ARHGAP26: variants seen among roughly 807,000 people sequenced by gnomAD.
The protein encoded by ARHGAP26 is rho GTPase-activating protein 26.
In ARHGAP26, 38 loss-of-function variants were observed where a neutral mutation model predicts 104.8. The ratio of observed to expected loss-of-function variants is 0.36; its 90% CI spans 0.28 to 0.48. ARHGAP26 has a LOEUF of 0.48. ARHGAP26 is among the 20% of genes least tolerant of loss of function. The pLI is 0.99. For missense variants in ARHGAP26, 704 were observed against 947.9 expected, an observed-to-expected ratio of 0.74 and a Z score of 3.38; for synonymous variants, 341 against 340.0, an observed-to-expected ratio of 1.00 and a Z score of -0.03.
At chr5:143,102,473 C>T (rs145770989) in intron 17 of ARHGAP26, among the ~76,000 whole-genome samples, 94 of 152,342 alleles carry the variant, frequency 6.2e-4, no homozygotes, top group African/African-American at 2.2e-3. Flanking sequence ...TTTTCCTCCC[C>T]TAACTCAGAA....
chr5:142,966,127 G>C (rs568244348), intron 11 of ARHGAP26, among the ~76,000 whole-genome samples: 4 of 152,196 alleles, frequency 2.6e-5, no homozygotes, highest in Admixed American at 1.3e-4. Flanking sequence ...GTCAAATATT[G>C]ACACACACAC....
chr5:143,063,421 T>C (rs1787028800), intron 17 of ARHGAP26, among the ~76,000 whole-genome samples: 1 of 152,166 alleles, frequency 6.6e-6, no homozygotes, highest in African/African-American at 2.4e-5. Flanking sequence ...AATCTCAGCA[T>C]GTGATTCCCC....
chr5:142,895,834 CA>C (rs1207032838), intron 6 of ARHGAP26, among the ~76,000 whole-genome samples: 1 of 151,908 alleles, frequency 6.6e-6, no homozygotes. Flanking sequence ...CTCTTAAAAA[CA>C]AAAAAAGATT....
chr5:143,090,408 A>G (rs1197974097), intron 17 of ARHGAP26, among the ~76,000 whole-genome samples: 2 of 152,230 alleles, frequency 1.3e-5, no homozygotes, highest in Non-Finnish European at 2.9e-5. Context: ...TCCTGTCTTA[A>G]TTGCCAAAGT....
intron 10 of ARHGAP26, chr5:142,921,574 G>A (rs1467002382): frequency 2.4e-5 from 4 of 167,102 alleles, no homozygotes; most frequent in African/African-American, 4.8e-5. Flanking sequence ...AGTCAGAATA[G>A]TGGAGGCCAG....
chr5:142,849,144 A>G (rs937796336), intron 1 of ARHGAP26, among the ~76,000 whole-genome samples: 1 of 152,318 alleles, frequency 6.6e-6, no homozygotes, highest in Admixed American at 6.5e-5. Context: ...GCATAAAGGG[A>G]TGGGAGTCAA....
chr5:142,992,629 A>C (rs902711514), intron 11 of ARHGAP26, among the ~76,000 whole-genome samples: 1 of 151,706 alleles, frequency 6.6e-6, no homozygotes, highest in Non-Finnish European at 1.5e-5. Flanking sequence ...GGGTTTCACC[A>C]TGTTAGCCAG....
chr5:142,991,690 G>T (rs979731088), intron 11 of ARHGAP26, among the ~76,000 whole-genome samples: 7 of 152,168 alleles, frequency 4.6e-5, no homozygotes, highest in Non-Finnish European at 7.3e-5. Flanking sequence ...GTTGCCTACA[G>T]TATTCAGTAT....
At chr5:142,839,624 G>A (rs1408237763) in intron 1 of ARHGAP26, among the ~76,000 whole-genome samples, 2 of 152,090 alleles carry the variant, frequency 1.3e-5, no homozygotes, top group African/African-American at 4.8e-5. Context: ...CCTCATATAG[G>A]TAAAATAATC....
chr5:142,985,974 T>C (rs190777297), intron 11 of ARHGAP26, among the ~76,000 whole-genome samples: 2,150 of 152,248 alleles, frequency 0.014, 55 homozygotes, highest in African/African-American at 0.045. Flanking sequence ...CATACGTGTG[T>C]ATGTGTTTTT....
chr5:142,854,727 G>T (rs1016073383), intron 1 of ARHGAP26, among the ~76,000 whole-genome samples: 1 of 152,206 alleles, frequency 6.6e-6, no homozygotes, highest in Admixed American at 6.5e-5. Flanking sequence ...GTAGACCCTG[G>T]AAATGCAGGG....
intron 21 of ARHGAP26, among the ~76,000 whole-genome samples, chr5:143,210,087 A>T (rs1353376288): frequency 6.6e-6 from 1 of 152,160 alleles, no homozygotes; most frequent in Non-Finnish European, 1.5e-5. Flanking sequence ...TCCTCTGGAA[A>T]TTGCTTACTG....
chr5:142,889,635 G>C (rs389008), intron 5 of ARHGAP26, among the ~76,000 whole-genome samples: 59,867 of 151,820 alleles, frequency 0.39, 14,313 homozygotes, highest in East Asian at 0.86. Context: ...GAATAGATAA[G>C]AGTTTAAATT....
intron 17 of ARHGAP26, among the ~76,000 whole-genome samples, chr5:143,110,671 T>C (rs1794672471): frequency 6.6e-6 from 1 of 152,258 alleles, no homozygotes; most frequent in African/African-American, 2.4e-5. Flanking sequence ...AAGCATTTTA[T>C]AAACTATAAA....
chr5:142,985,249 T>G (rs113401251), intron 11 of ARHGAP26, among the ~76,000 whole-genome samples: 9,134 of 152,234 alleles, frequency 0.06, 613 homozygotes, highest in African/African-American at 0.16. Flanking sequence ...CTAAATGTTA[T>G]TACAAGAATC....
chr5:143,055,491 T>C (rs139503908), intron 15 of ARHGAP26, among the ~76,000 whole-genome samples: 175 of 152,336 alleles, frequency 1.1e-3, no homozygotes, highest in African/African-American at 3.9e-3. Flanking sequence ...CCCTCAAGTT[T>C]ATGGTTAAAC....
intron 11 of ARHGAP26, among the ~76,000 whole-genome samples, chr5:142,980,794 G>A (rs1332402626): frequency 6.6e-6 from 1 of 152,170 alleles, no homozygotes; most frequent in Non-Finnish European, 1.5e-5. Flanking sequence ...CTTTACCTTA[G>A]TAAATATTGC....
intron 20 of ARHGAP26, among the ~76,000 whole-genome samples, chr5:143,194,787 T>C (rs1473380282): frequency 6.6e-6 from 1 of 152,182 alleles, no homozygotes; most frequent in East Asian, 1.9e-4. Context: ...TTTTTTCCAG[T>C]CAAGTCAATA....
chr5:142,859,643 C>T (rs532120091), intron 1 of ARHGAP26: 1 of 152,278 alleles, frequency 6.6e-6, no homozygotes, highest in East Asian at 1.9e-4. Flanking sequence ...CTTCCAAGAA[C>T]AGTGGAAATG....
Sources: allele counts gnomAD v4.1 joint callset (sites outside exome capture counted in the v4.1 genomes callset), GRCh38; gene constraint gnomAD v4.1.1; transcripts MANE v1.5; gene names NCBI Gene and HGNC (gene_info 2026-07-23, HGNC 2026-07-21).